Variants in FAN1 observed in about 807,000 individuals in gnomAD.
FAN1 encodes the protein fanconi-associated nuclease 1.
FAN1 carries 91 observed loss-of-function variants against 104.9 expected under a neutral mutation model. That is an observed-to-expected ratio of 0.87 (90% CI 0.73 to 1.03). FAN1 has a LOEUF of 1.03. FAN1 is among the 50% of genes least tolerant of loss of function. The pLI is 0.00. For missense variants in FAN1, 1,263 were observed against 1,239.9 expected, an observed-to-expected ratio of 1.02 and a Z score of -0.28; for synonymous variants, 478 against 457.6, an observed-to-expected ratio of 1.04 and a Z score of -0.57.
rs766825197 is a variant in FAN1, at chr15:30,920,530, A to C, written c.1944-15A>C. 57 of 1,531,196 alleles carry C rather than the reference A, an allele frequency of 3.7e-5. No homozygotes were observed. The highest frequency in any genetic ancestry group is 5.1e-5 in the Non-Finnish European group (57 of 1,107,096). 94.9% of individuals were successfully genotyped at this position (1,531,196 alleles called of 1,614,324 possible). A position where few individuals can be genotyped will look rare whatever the true frequency, so the allele number is the denominator to read the frequency against. ...AACCAAATTATTAAACTACTGGTAT[A>C]TGTCTTCATTTTAGATGCCACGAAG... On this transcript the variant is annotated splice_polypyrimidine_tract_variant and intron_variant, in intron 6 of 14. Coordinates refer to ENST00000362065, the MANE Select transcript of FAN1 (RefSeq NM_014967.5).
rs1566904948 is a variant in FAN1 at position 30,904,622 on chromosome 15, C to T, written c.-42C>T. The T allele has an allele frequency of 2.5e-6, 4 of 1,587,276 alleles. No homozygotes were observed. Among genetic ancestry groups the T allele is most frequent in the Non-Finnish European group, 3.5e-6 (4 of 1,158,720 alleles). On this transcript the variant is annotated 5_prime_UTR_variant, in exon 2 of 15. Coordinates refer to ENST00000362065, the MANE Select transcript of FAN1 (RefSeq NM_014967.5). ...CATTGCTATCTTTCACCTTAAATATCCTGTGTTTTATTGCTCAGAACATCC... is the reference window on the plus strand; with the variant it reads ...CATTGCTATCTTTCACCTTAAATATTCTGTGTTTTATTGCTCAGAACATCC...
chr15:30,912,558 G>C (rs1352631815), intron 4 of FAN1, among the ~76,000 whole-genome samples: 11 of 152,148 alleles, frequency 7.2e-5, no homozygotes, highest in Admixed American at 7.2e-4. Flanking sequence ...GGTGTGATAG[G>C]AATCCCACCC....
chr15:30,933,637 A>G (rs2062771946), intron 13 of FAN1, among the ~76,000 whole-genome samples: 1 of 152,154 alleles, frequency 6.6e-6, no homozygotes, highest in Admixed American at 6.5e-5. Context: ...AATTAGGTCA[A>G]GTTGGTTGAT....
Position 30,925,363 on chromosome 15 carries a change from A to G in FAN1, c.2337+72A>G. The G allele has an allele frequency of 2.8e-6, 4 of 1,407,242 alleles. No individual in the cohort carries two copies. In the South Asian group the frequency reaches 5.1e-5, roughly 18 times the overall value. The allele number at this position is 1,407,242 out of a possible 1,614,324, so 87.2% of individuals were successfully genotyped here. ...GGTTTTTTTGGACCAGAAGCATCCT[A>G]AGAGCTGTTTTGAGTGTGTGTTTTC... is the stretch of plus-strand genomic sequence containing the variant. On this transcript the variant is annotated intron_variant, in intron 9 of 14. Coordinates refer to ENST00000362065, the MANE Select transcript of FAN1 (RefSeq NM_014967.5).
At position 30,930,726 on chromosome 15, in the gene FAN1, A is replaced by AGAG. The variant is rs375237390; in HGVS notation, c.2916+57_2916+59dup. On this transcript the variant is annotated intron_variant, in intron 13 of 14. Transcript: ENST00000362065. ...TGGTAACCTTATTAGCAACTGAATC[A>AGAG]GAGGCCACAAGTAGGCATTTCTTGA... 8.7e-5 allele frequency: 139 copies of AGAG among 1,590,756 alleles called. 1 individual carries two copies. In the African/African-American group the frequency reaches 1.7e-3, roughly 20 times the overall value.
intron 4 of FAN1, 148 bp downstream of exon 4, chr15:30,910,963 C>A: frequency 7.4e-7 from 1 of 1,352,972 alleles, no homozygotes. Context: ...ATTGCAATAG[C>A]CTGGATTCTT....
Position 30,904,854 on chromosome 15 carries a change from G to C in FAN1, c.191G>C (p.Cys64Ser). The change falls in exon 2 of 15, where the codon TGT (cysteine) becomes TCT (serine). Residue 64 changes from cysteine (C) to serine (S), a missense_variant. By Grantham distance (112) the Cys-to-Ser change is moderately radical (BLOSUM62 -1). Transcript: ENST00000362065. ...YDLNRHLDEM[C>S]ANNDFVQVDP... Reference sequence around the variant, plus strand: ...TTAAACCGGCACCTTGATGAAATGTGTGCTAACAATGACTTCGTTCAAGTG... The same window carrying C: ...TTAAACCGGCACCTTGATGAAATGTCTGCTAACAATGACTTCGTTCAAGTG... 1 of 1,613,492 alleles carries C rather than the reference G, an allele frequency of 6.2e-7. No homozygotes were observed. Among genetic ancestry groups the C allele is most frequent in the South Asian group, 1.1e-5 (1 of 91,076 alleles).
Position 30,913,903 on chromosome 15 carries a change from C to A in FAN1, c.1623C>A (p.Pro541=). Residue 541 remains proline (P), a synonymous_variant, in exon 5 of 15, where the codon CCC becomes CCA. Coordinates refer to ENST00000362065, the MANE Select transcript of FAN1 (RefSeq NM_014967.5). ...AGQSVRICKG[P]RAVFSRILLL... ...AGTCAGTACGAATCTGTAAAGGCCC[C>A]AGGGCTGTGTTTTCCCGCATCTTGC... 1 of 1,614,132 alleles carries A rather than the reference C, an allele frequency of 6.2e-7. No homozygotes were observed. The highest frequency in any genetic ancestry group is 1.1e-5 in the South Asian group (1 of 91,088).
At chr15:30,917,085 G>C (rs2062212702) in intron 5 of FAN1, among the ~76,000 whole-genome samples, 2 of 152,218 alleles carry the variant, frequency 1.3e-5, no homozygotes. Context: ...GGTAGCGGCA[G>C]TGGAGAGAAG....
rs986557880 is a variant in FAN1 at position 30,908,683 on chromosome 15, T to C, written c.1375+425T>C. ...CAACATGGAGAAACCCCATCTCTAC[T>C]AAAAATACAAAATTAGGTGTGGTGG... On this transcript the variant is annotated intron_variant, in intron 3 of 14. Coordinates refer to ENST00000362065, the MANE Select transcript of FAN1 (RefSeq NM_014967.5). Among the ~76,000 whole-genome samples the C allele has an allele frequency of 1.4e-4, 17 of 122,184 alleles. No individual in the cohort carries two copies. The Admixed American group carries it at 1.5e-3, about 11-fold the overall frequency. 80.2% of individuals were successfully genotyped at this position (122,184 alleles called of 152,430 possible).
chr15:30,938,795 TAAA>T (rs561489357), intron 14 of FAN1: 1 of 513,894 alleles, frequency 1.9e-6, no homozygotes, highest in African/African-American at 2.1e-5. Flanking sequence ...GAATTGCTGT[TAAA>T]AAAAGTTACT....
chr15:30,940,999 G>A (rs2063027934), intron 14 of FAN1: 1 of 1,159,296 alleles, frequency 8.6e-7, no homozygotes. Context: ...ACCTTCATCA[G>A]GTGAGTTCAA....
intron 3 of FAN1, among the ~76,000 whole-genome samples, chr15:30,910,283 G>A (rs1189386409): frequency 2.0e-5 from 3 of 152,316 alleles, no homozygotes; most frequent in African/African-American, 4.8e-5. Context: ...ATTTTGTAGG[G>A]GTTTTGTGAC....
intron 10 of FAN1, chr15:30,926,687 T>C (rs2062471831): frequency 2.0e-6 from 2 of 985,072 alleles, no homozygotes; most frequent in South Asian, 4.7e-5. Flanking sequence ...TGGTTAGAAA[T>C]AGAAGAATAG....
intron 12 of FAN1, among the ~76,000 whole-genome samples, chr15:30,929,988 GATATC>G (rs1566931534): frequency 3.5e-5 from 4 of 114,700 alleles, no homozygotes; most frequent in Non-Finnish European, 5.0e-5. Context: ...TAATATATAA[GATATC>G]ATATATAATA....
intron 14 of FAN1, chr15:30,940,825 T>G (rs1453460009): frequency 1.5e-5 from 15 of 988,706 alleles, no homozygotes; most frequent in Non-Finnish European, 1.7e-5. Flanking sequence ...TCAAAGGCAC[T>G]TCTAAGTTTA....
chr15:30,942,018 TGA>T lies in FAN1; in HGVS notation c.*457_*458del. The T allele has an allele frequency of 6.2e-7, 1 of 1,614,012 alleles. No individual in the cohort carries two copies. On this transcript the variant is annotated 3_prime_UTR_variant, in exon 15 of 15. Transcript: ENST00000362065. Reference sequence around the variant, plus strand: ...CTTGGAAGTAATTCTTGGTCACTGATGATTCCATTCTTTAAGGCAGACGGCAT... The same window carrying T: ...CTTGGAAGTAATTCTTGGTCACTGATTTCCATTCTTTAAGGCAGACGGCAT...
intron 6 of FAN1, 124 bp from the exon 7 acceptor site, chr15:30,920,421 A>G (rs771440717): frequency 2.2e-5 from 15 of 679,232 alleles, no homozygotes; most frequent in Non-Finnish European, 3.3e-5. Context: ...ATTGTACACA[A>G]CTGAAAGTAT....
At position 30,928,311 on chromosome 15, in the gene FAN1, C is replaced by T. The variant is rs2062516947; in HGVS notation, c.2489-242C>T. On this transcript the variant is annotated intron_variant, in intron 10 of 14. Coordinates refer to ENST00000362065, the MANE Select transcript of FAN1 (RefSeq NM_014967.5). ...CACTGCTTTGTGGCTTTGAAATGTTCATTTGAATTTTTCTATGATTACTAA... is the reference window on the plus strand; with the variant it reads ...CACTGCTTTGTGGCTTTGAAATGTTTATTTGAATTTTTCTATGATTACTAA... 1.1e-5 allele frequency: 14 copies of T among 1,288,526 alleles called. No individual in the cohort carries two copies. In the South Asian group the frequency reaches 2.1e-4, roughly 20 times the overall value. 79.8% of individuals were successfully genotyped at this position (1,288,526 alleles called of 1,614,324 possible). A position where few individuals can be genotyped will look rare whatever the true frequency, so the allele number is the denominator to read the frequency against.
Sources: gnomAD v4.1 joint callset for allele counts (sites outside exome capture counted in the v4.1 genomes callset) on GRCh38, gnomAD v4.1.1 for gene constraint, MANE v1.5 for transcripts, NCBI Gene and HGNC (gene_info 2026-07-23, HGNC 2026-07-21) for gene names.